The following SAMMSON variants were observed in gnomAD, a reference collection of about 807,000 sequenced individuals.
SAMMSON encodes the protein long intergenic non-protein coding RNA 1212.
chr3:70,130,244 A>G (rs779035285), intron 4 of SAMMSON, among the ~76,000 whole-genome samples: 4 of 152,210 alleles, frequency 2.6e-5, no homozygotes, highest in Non-Finnish European at 4.4e-5. Flanking sequence ...AAGTCAAAGA[A>G]TTGCATCTGA....
chr3:70,235,694 G>C (rs182168082), intron 4 of SAMMSON, among the ~76,000 whole-genome samples: 11 of 152,246 alleles, frequency 7.2e-5, no homozygotes, highest in Non-Finnish European at 1.5e-4. Context: ...AATGTGTAAG[G>C]GTTCTGGTGG....
At chr3:70,203,881 T>A (rs1032905978) in intron 4 of SAMMSON, among the ~76,000 whole-genome samples, 4 of 152,098 alleles carry the variant, frequency 2.6e-5, no homozygotes, top group African/African-American at 9.7e-5. Context: ...AATCAGAAGT[T>A]TGCAGAAACA....
intron 4 of SAMMSON, among the ~76,000 whole-genome samples, chr3:70,195,633 A>T (rs1701168965): frequency 6.6e-6 from 1 of 152,148 alleles, no homozygotes; most frequent in South Asian, 2.1e-4. Context: ...CACACAAAAA[A>T]ATTCCCTCAA....
intron 4 of SAMMSON, among the ~76,000 whole-genome samples, chr3:70,217,238 T>C (rs1366475974): frequency 6.6e-6 from 1 of 152,144 alleles, no homozygotes; most frequent in East Asian, 1.9e-4. Context: ...TCTTACATGG[T>C]GAATCATAAG....
At chr3:70,009,957 A>G (rs4269086) in intron 1 of SAMMSON, among the ~76,000 whole-genome samples, 54,498 of 136,470 alleles carry the variant, frequency 0.4, 11,802 homozygotes, top group East Asian at 0.6. Context: ...TTTTGAGTGA[A>G]TTTCTTAATC....
intron 7 of SAMMSON, among the ~76,000 whole-genome samples, chr3:70,347,011 A>C (rs929724953): frequency 6.6e-6 from 1 of 152,212 alleles, no homozygotes; most frequent in Admixed American, 6.5e-5. Context: ...TATTGATTAC[A>C]GATCTTAGCA....
chr3:70,088,722 CAA>C (rs962561971), intron 4 of SAMMSON, among the ~76,000 whole-genome samples: 1 of 152,028 alleles, frequency 6.6e-6, no homozygotes, highest in Admixed American at 6.6e-5. Flanking sequence ...TGGGAATTAT[CAA>C]AAGAGATAAT....
intron 1 of SAMMSON, among the ~76,000 whole-genome samples, chr3:70,005,400 A>G (rs1419641533): frequency 2.0e-5 from 3 of 152,120 alleles, no homozygotes; most frequent in Non-Finnish European, 4.4e-5. Flanking sequence ...GATGCTACTT[A>G]CTTGTCCCAC....
At chr3:70,123,298 G>A (rs1025141177) in intron 4 of SAMMSON, among the ~76,000 whole-genome samples, 2 of 152,140 alleles carry the variant, frequency 1.3e-5, no homozygotes, top group African/African-American at 4.8e-5. Context: ...ATGAAGTCTC[G>A]CTCTGTTGCC....
chr3:70,000,181 G>A (rs1354283467), intron 1 of SAMMSON, among the ~76,000 whole-genome samples: 1 of 152,106 alleles, frequency 6.6e-6, no homozygotes, highest in Non-Finnish European at 1.5e-5. Context: ...GAGCACACAC[G>A]TCCACTGGGG....
intron 3 of SAMMSON, among the ~76,000 whole-genome samples, chr3:70,057,433 A>G (rs1016461559): frequency 6.6e-6 from 1 of 152,042 alleles, no homozygotes; most frequent in Non-Finnish European, 1.5e-5. Flanking sequence ...AAAATTTGGC[A>G]TCTGCAAGCA....
chr3:70,121,400 C>G (rs962334464), intron 4 of SAMMSON, among the ~76,000 whole-genome samples: 1 of 152,166 alleles, frequency 6.6e-6, no homozygotes, highest in Middle Eastern at 3.4e-3. Context: ...AGAAAGAACT[C>G]TCCATCAGTT....
intron 4 of SAMMSON, among the ~76,000 whole-genome samples, chr3:70,093,677 G>A (rs549535996): frequency 1.1e-3 from 171 of 152,266 alleles, no homozygotes; most frequent in Non-Finnish European, 2.1e-3. Flanking sequence ...GCTATGCAAA[G>A]AAGGAGTCAA....
chr3:70,196,841 T>C, intron 4 of SAMMSON: 1 of 397,694 alleles, frequency 2.5e-6, no homozygotes, highest in East Asian at 3.6e-5. Flanking sequence ...AGTCCTTACA[T>C]TTCAGCACAT....
intron 4 of SAMMSON, among the ~76,000 whole-genome samples, chr3:70,098,717 T>C (rs1421668926): frequency 6.6e-6 from 1 of 152,124 alleles, no homozygotes; most frequent in African/African-American, 2.4e-5. Flanking sequence ...TACAAAAAGG[T>C]ACAAAGGATA....
intron 6 of SAMMSON, among the ~76,000 whole-genome samples, chr3:70,250,860 G>A (rs979159392): frequency 1.3e-5 from 2 of 152,124 alleles, no homozygotes; most frequent in African/African-American, 2.4e-5. Flanking sequence ...TGGGCAGACT[G>A]TCAAATAGTA....
intron 7 of SAMMSON, among the ~76,000 whole-genome samples, chr3:70,301,895 C>T (rs1007775867): frequency 3.9e-5 from 6 of 151,930 alleles, no homozygotes; most frequent in East Asian, 3.9e-4. Context: ...ATATTTGATA[C>T]GTGAAAGAGG....
chr3:70,126,748 C>T (rs1320824249), intron 4 of SAMMSON: 2 of 246,352 alleles, frequency 8.1e-6, no homozygotes, highest in Non-Finnish European at 1.6e-5. Flanking sequence ...TGGAATCTTG[C>T]TCTGTTGCCT....
chr3:70,037,227 A>G (rs1319659604), intron 3 of SAMMSON, among the ~76,000 whole-genome samples: 1 of 151,962 alleles, frequency 6.6e-6, no homozygotes, highest in Admixed American at 6.6e-5. Context: ...GGCTTTACCC[A>G]ATTCTATCTG....
Sources: allele counts gnomAD v4.1 joint callset (sites outside exome capture counted in the v4.1 genomes callset), GRCh38; gene constraint gnomAD v4.1.1; transcripts MANE v1.5; gene names NCBI Gene and HGNC (gene_info 2026-07-23, HGNC 2026-07-21).